Variants in JADE3 observed in about 807,000 individuals in gnomAD.
JADE3 encodes the protein jade family PHD finger 3.
In JADE3, 2 loss-of-function variants were observed where a neutral mutation model predicts 50.1. The observed-to-expected ratio is 0.04, with a 90% CI of 0.02 to 0.13. The LOEUF is 0.13. Among genes scored for constraint, JADE3 ranks in the 10% least tolerant of loss-of-function variants. JADE3 has a pLI of 1.00. For missense variants in JADE3, 475 were observed against 634.4 expected (o/e 0.75, Z 2.70); for synonymous variants, 218 against 232.9 (o/e 0.94, Z 0.58).
At chrX:47,037,109 TAAAA>T (rs71704592) in intron 7 of JADE3, among the ~76,000 whole-genome samples, 1 of 83,190 alleles carries the variant, frequency 1.2e-5, no homozygotes, top group African/African-American at 4.0e-5. Context: ...TAAAGTATAA[TAAAA>T]AAAAAAAGGA....
Position 46,998,127 on chromosome X carries a change from G to A in JADE3, c.134G>A (p.Arg45Gln), listed in dbSNP as rs1355562695. Reference sequence around the variant, plus strand: ...TGTGCAATATCTTTCCAGGTATTCCGGAAGGACCTCATCAGTGCCATGAAA... The same window carrying A: ...TGTGCAATATCTTTCCAGGTATTCCAGAAGGACCTCATCAGTGCCATGAAA... The part of the protein sequence containing the change: ...NEHKKPAEVF[R>Q]KDLISAMKLP... The change falls in exon 4 of 11, where the codon CGG (arginine) becomes CAG (glutamine). Residue 45 changes from arginine to glutamine, a missense_variant. By Grantham distance (43) the Arg-to-Gln change is conservative (BLOSUM62 1). Transcript: ENST00000614628. The A allele has an allele frequency of 1.7e-6, 2 of 1,204,436 alleles. No homozygotes were observed. Among genetic ancestry groups the A allele is most frequent in the Non-Finnish European group, 2.2e-6 (2 of 889,905 alleles).
At chrX:47,032,672 ATGAAAGAAAG>A (rs1392634138) in intron 6 of JADE3, among the ~76,000 whole-genome samples, 1 of 111,634 alleles carries the variant, frequency 9.0e-6, no homozygotes, top group Non-Finnish European at 1.9e-5. Context: ...AGGTCAGCAG[ATGAAAGAAAG>A]TGAGTAATAC....
chrX:46,976,695 T>C (rs1176647975), intron 1 of JADE3, among the ~76,000 whole-genome samples: 1 of 112,398 alleles, frequency 8.9e-6, no homozygotes, highest in African/African-American at 3.2e-5. Context: ...TACACTATAC[T>C]GATTTATGGT....
intron 2 of JADE3, among the ~76,000 whole-genome samples, chrX:46,985,208 TAGAA>T (rs1556354221): frequency 1.8e-5 from 2 of 111,810 alleles, no homozygotes; most frequent in African/African-American, 6.5e-5. Flanking sequence ...AGAGCTTCTC[TAGAA>T]AGAAGAAAAG....
chrX:46,992,003 C>T (rs1157483165), intron 3 of JADE3, among the ~76,000 whole-genome samples: 1 of 110,872 alleles, frequency 9.0e-6, no homozygotes, highest in Non-Finnish European at 1.9e-5. Context: ...CTTTTTGCCA[C>T]TGCCCCCTGT....
chrX:47,030,482 A>T (rs781812738), intron 6 of JADE3, among the ~76,000 whole-genome samples: 4 of 111,752 alleles, frequency 3.6e-5, no homozygotes, highest in Admixed American at 2.9e-4. Context: ...GAGTATATTT[A>T]CTTGGATTCT....
At chrX:47,007,882 A>G (rs1158819295) in intron 4 of JADE3, among the ~76,000 whole-genome samples, 1 of 72,216 alleles carries the variant, frequency 1.4e-5, no homozygotes, top group Non-Finnish European at 2.8e-5. Context: ...TCTCTGTTTT[A>G]TTTTTCCTAC....
At chrX:46,942,751 T>G (rs1301092140) in intron 1 of JADE3, among the ~76,000 whole-genome samples, 2 of 112,183 alleles carry the variant, frequency 1.8e-5, no homozygotes, top group African/African-American at 6.5e-5. Context: ...ATGATGTTGC[T>G]AATTTGATAG....
chrX:47,004,902 T>C (rs1928375547), intron 4 of JADE3, among the ~76,000 whole-genome samples: 1 of 112,458 alleles, frequency 8.9e-6, no homozygotes, highest in Admixed American at 9.4e-5. Flanking sequence ...TAAAATTCAA[T>C]CTTGGCTAGA....
chrX:46,954,435 C>G (rs1381990757), intron 1 of JADE3, among the ~76,000 whole-genome samples: 1 of 112,253 alleles, frequency 8.9e-6, no homozygotes. Context: ...TTATGTGGTA[C>G]AGAATCACTG....
chrX:47,050,305 A>G (rs1929476200), intron 8 of JADE3, among the ~76,000 whole-genome samples: 1 of 111,876 alleles, frequency 8.9e-6, no homozygotes, highest in Non-Finnish European at 1.9e-5. Flanking sequence ...GTATAATTTG[A>G]TGTCTTTATA....
chrX:46,999,025 T>G (rs1556358203), intron 4 of JADE3, among the ~76,000 whole-genome samples: 1 of 111,181 alleles, frequency 9.0e-6, no homozygotes, highest in Non-Finnish European at 1.9e-5. Flanking sequence ...AAGAAATATT[T>G]GGCTCACAGT....
intron 3 of JADE3, among the ~76,000 whole-genome samples, chrX:46,992,997 C>T (rs1362286402): frequency 1.8e-5 from 2 of 110,722 alleles, no homozygotes; most frequent in African/African-American, 6.6e-5. Flanking sequence ...TTAAAAGGGC[C>T]CATACTCGTA....
At chrX:46,990,939 CAT>C (rs1488484748) in intron 3 of JADE3, among the ~76,000 whole-genome samples, 1 of 109,722 alleles carries the variant, frequency 9.1e-6, no homozygotes, top group Non-Finnish European at 1.9e-5. Context: ...TAAATGGAAT[CAT>C]ACAATACGTG....
intron 9 of JADE3, among the ~76,000 whole-genome samples, chrX:47,055,415 C>T (rs2146991441): frequency 9.0e-6 from 1 of 111,445 alleles, no homozygotes; most frequent in South Asian, 3.7e-4. Flanking sequence ...TTAAGACACT[C>T]ACATATAGCA....
intron 3 of JADE3, among the ~76,000 whole-genome samples, chrX:46,995,927 A>G (rs1158210271): frequency 1.8e-5 from 2 of 112,600 alleles, no homozygotes; most frequent in Non-Finnish European, 3.7e-5. Flanking sequence ...TTTTCTCTAA[A>G]GGGGAAGGAA....
At chrX:47,054,787 T>A (rs932069368) in intron 9 of JADE3, among the ~76,000 whole-genome samples, 159 bp downstream of exon 9, 1 of 111,729 alleles carries the variant, frequency 9.0e-6, no homozygotes, top group Admixed American at 9.5e-5. Flanking sequence ...TTGGGCTCTG[T>A]GTAAATTCTG....
chrX:47,012,632 TTG>T (rs1491022745), intron 4 of JADE3, among the ~76,000 whole-genome samples: 21 of 110,319 alleles, frequency 1.9e-4, no homozygotes, highest in African/African-American at 6.3e-4. Context: ...GTTTTTTTTT[TTG>T]TTGTTGTTGT....
chrX:46,996,393 G>A (rs1469600460), intron 3 of JADE3, among the ~76,000 whole-genome samples: 1 of 112,121 alleles, frequency 8.9e-6, no homozygotes, highest in Non-Finnish European at 1.9e-5. Context: ...CTCTGCTTTT[G>A]TATACCTTTG....
Sources: gnomAD v4.1 joint callset for allele counts (sites outside exome capture counted in the v4.1 genomes callset) on GRCh38, gnomAD v4.1.1 for gene constraint, MANE v1.5 for transcripts, NCBI Gene and HGNC (gene_info 2026-07-23, HGNC 2026-07-21) for gene names.